The following LAMP2 variants were observed in gnomAD, a reference collection of about 807,000 sequenced individuals.
LAMP2 encodes lysosome-associated membrane glycoprotein 2.
A neutral mutation model predicts 25.6 loss-of-function variants in LAMP2; 4 were observed. The ratio of observed to expected loss-of-function variants is 0.16; its 90% CI spans 0.08 to 0.36. The LOEUF is 0.36. Among genes scored for constraint, LAMP2 ranks in the 10% least tolerant of loss-of-function variants. The pLI is 1.00. For synonymous variants in LAMP2, 108 were observed against 112.7 expected (o/e 0.96, Z 0.27); for missense variants, 272 against 301.4 (o/e 0.90, Z 0.72).
At chrX:120,445,468 CCAAA>C (rs1192298350) in intron 6 of LAMP2, among the ~76,000 whole-genome samples, 1 of 112,307 alleles carries the variant, frequency 8.9e-6, no homozygotes, top group East Asian at 2.8e-4. Flanking sequence ...TTCCCCATCC[CCAAA>C]CACAGTAATC....
chrX:120,469,293 A>G lies in LAMP2; in HGVS notation c.-124T>C, dbSNP rs1052733277. 4 of 687,964 alleles carry G rather than the reference A, an allele frequency of 5.8e-6. No individual in the cohort carries two copies. The African/African-American group carries it at 8.6e-5, about 15-fold the overall frequency. The allele number at this position is 687,964 out of a possible 1,213,427, so 56.7% of individuals were successfully genotyped here. A position where few individuals can be genotyped will look rare whatever the true frequency, so the allele number is the denominator to read the frequency against. The stretch of plus-strand genomic sequence containing the variant: ...ATGACCACCGACCACAGCCTTGCAA[A>G]AGCCAGGAATCGGCGCTTCAGTGCG... On this transcript the variant is annotated 5_prime_UTR_variant, in exon 1 of 9. Transcript: ENST00000200639.
rs2058510729 is a variant in LAMP2, at chrX:120,429,040, AAAAG to A, written c.*2279_*2282del. 10 of 600,850 alleles carry A rather than the reference AAAAG, an allele frequency of 1.7e-5. No individual in the cohort carries two copies. The South Asian group carries it at 7.0e-4, about 42-fold the overall frequency. The allele number at this position is 600,850 out of a possible 1,213,427, so 49.5% of individuals were successfully genotyped here. A position where few individuals can be genotyped will look rare whatever the true frequency, so the allele number is the denominator to read the frequency against. ...GTATAAGTAATAAAATTTAAGTTAA[AAAAG>A]ACTTAGGATCAAGAATGTAGTATAT... On this transcript the variant is annotated 3_prime_UTR_variant, in exon 9 of 9. Coordinates refer to ENST00000200639, the MANE Select transcript of LAMP2 (RefSeq NM_002294.3).
rs979060016 is a variant in LAMP2 at position 120,428,772 on chromosome X, T to A, written c.*2551A>T. 2 of 1,046,100 alleles carry A rather than the reference T, an allele frequency of 1.9e-6. No homozygotes were observed. Among genetic ancestry groups the A allele is most frequent in the African/African-American group, 4.0e-5 (2 of 50,319 alleles). The allele number at this position is 1,046,100 out of a possible 1,213,427, so 86.2% of individuals were successfully genotyped here. ...CCTCTATTTTCTTATTTGCTCAATA[T>A]CTCATTATCACTTTATCTAAAATCA... is the stretch of plus-strand genomic sequence containing the variant. On this transcript the variant is annotated 3_prime_UTR_variant, in exon 9 of 9. Transcript: ENST00000200639.
chrX:120,434,199 A>G (rs2058533448), intron 8 of LAMP2, among the ~76,000 whole-genome samples: 1 of 112,056 alleles, frequency 8.9e-6, no homozygotes, highest in Admixed American at 9.5e-5. Context: ...TAGTAGATTA[A>G]TTTCTTATTC....
intron 8 of LAMP2, among the ~76,000 whole-genome samples, chrX:120,432,226 C>G (rs757047717): frequency 3.6e-5 from 4 of 110,738 alleles, no homozygotes; most frequent in African/African-American, 9.8e-5. Context: ...AGAAATAGCA[C>G]AGACAAAAAT....
intron 1 of LAMP2, among the ~76,000 whole-genome samples, chrX:120,462,164 C>T (rs1195204582): frequency 9.0e-6 from 1 of 110,929 alleles, no homozygotes; most frequent in East Asian, 2.8e-4. Context: ...CAAAATCAAC[C>T]GTTCTCAAAG....
chrX:120,436,073 A>G (rs182386305), intron 8 of LAMP2, among the ~76,000 whole-genome samples: 82 of 109,956 alleles, frequency 7.5e-4, no homozygotes, highest in South Asian at 6.3e-3. Flanking sequence ...TATGAAATAA[A>G]TATTCTAGAT....
Position 120,436,587 on chromosome X carries a change from G to A in LAMP2, c.1094-5125C>T, listed in dbSNP as rs2058545862. On this transcript the variant is annotated intron_variant, in intron 8 of 8. Transcript: ENST00000200639. ...CTAAAGATACCATACATCAACTAGT[G>A]GTTTAAACATTTGAAGAAAAAACAT... The A allele has an allele frequency of 2.4e-5, 18 of 740,679 alleles. No homozygotes were observed. In the South Asian group the frequency reaches 1.2e-3, roughly 51 times the overall value. 61.0% of individuals were successfully genotyped at this position (740,679 alleles called of 1,213,427 possible). A position where few individuals can be genotyped will look rare whatever the true frequency, so the allele number is the denominator to read the frequency against.
chrX:120,460,810 G>A (rs1442963779), intron 1 of LAMP2, among the ~76,000 whole-genome samples: 1 of 111,967 alleles, frequency 8.9e-6, no homozygotes, highest in Non-Finnish European at 1.9e-5. Context: ...AATTAGCTGG[G>A]CATGGTGGCA....
chrX:120,441,113 C>T (rs1024640038), intron 8 of LAMP2, among the ~76,000 whole-genome samples: 8 of 111,998 alleles, frequency 7.1e-5, no homozygotes, highest in Non-Finnish European at 1.3e-4. Context: ...TTTCTTCATG[C>T]AAATTTTAAT....
chrX:120,439,023 T>A (rs2058559564), intron 8 of LAMP2: 4 of 1,110,933 alleles, frequency 3.6e-6, no homozygotes, highest in East Asian at 3.2e-5. Flanking sequence ...TTGTTTAAGT[T>A]TGAAATCCCC....
At chrX:120,448,195 C>T (rs1443811454) in intron 4 of LAMP2, among the ~76,000 whole-genome samples, 170 bp from the exon 5 acceptor site, 1 of 112,424 alleles carries the variant, frequency 8.9e-6, no homozygotes, top group Non-Finnish European at 1.9e-5. Flanking sequence ...GGTTCTTAAA[C>T]TGCTGCTTCA....
At chrX:120,454,934 G>GATATATATATATAT (rs397842673) in intron 3 of LAMP2, among the ~76,000 whole-genome samples, 37 of 81,632 alleles carry the variant, frequency 4.5e-4, no homozygotes, top group African/African-American at 1.7e-3. Context: ...CACACACTAG[G>GATATATATATATAT]ATATATATAT....
chrX:120,438,573 A>C, intron 8 of LAMP2: 1 of 752,359 alleles, frequency 1.3e-6, no homozygotes, highest in South Asian at 6.8e-5. Context: ...AAGGCATTAG[A>C]AAAGCATTTA....
chrX:120,455,244 A>G, intron 3 of LAMP2, 113 bp downstream of exon 3: 2 of 627,476 alleles, frequency 3.2e-6, no homozygotes, highest in African/African-American at 4.4e-5. Flanking sequence ...TAAAGACATG[A>G]AGTTTCCATG....
At chrX:120,455,038 CATAT>C (rs1488668402) in intron 3 of LAMP2, among the ~76,000 whole-genome samples, 2 of 95,001 alleles carry the variant, frequency 2.1e-5, no homozygotes, top group African/African-American at 7.8e-5. Context: ...TATATATATA[CATAT>C]ATACTAGGAT....
Position 120,428,537 on chromosome X carries a change from T to C in LAMP2, c.*2786A>G. On this transcript the variant is annotated 3_prime_UTR_variant, in exon 9 of 9. Coordinates refer to ENST00000200639, the MANE Select transcript of LAMP2 (RefSeq NM_002294.3). ...TTCCTTCTTCCAATCATATAAGAGA[T>C]AAAGACAACAATTATAAGGAAGCCC... 1 of 1,202,543 alleles carries C rather than the reference T, an allele frequency of 8.3e-7. No individual in the cohort carries two copies. The highest frequency in any genetic ancestry group is 1.7e-5 in the African/African-American group (1 of 57,145).
At chrX:120,439,622 T>C (rs1261520176) in intron 8 of LAMP2, among the ~76,000 whole-genome samples, 1 of 109,586 alleles carries the variant, frequency 9.1e-6, no homozygotes, top group African/African-American at 3.3e-5. Flanking sequence ...TGTGCATATA[T>C]ATAATATATG....
At chrX:120,434,475 T>A (rs767902685) in intron 8 of LAMP2, among the ~76,000 whole-genome samples, 69 of 112,132 alleles carry the variant, frequency 6.2e-4, no homozygotes, top group Non-Finnish European at 9.0e-4. Context: ...ATGGAAAAAA[T>A]GTTGGTAAAA....
Sources: allele counts gnomAD v4.1 joint callset (sites outside exome capture counted in the v4.1 genomes callset), GRCh38; gene constraint gnomAD v4.1.1; transcripts MANE v1.5; gene names NCBI Gene and HGNC (gene_info 2026-07-23, HGNC 2026-07-21).